Variants in CFAP299 observed in about 807,000 individuals in gnomAD.
CFAP299 encodes the protein cilia- and flagella-associated protein 299.
In CFAP299, 21 loss-of-function variants were observed where a neutral mutation model predicts 27.0. The ratio of observed to expected loss-of-function variants is 0.78; its 90% CI spans 0.55 to 1.12. The LOEUF is 1.12. Among genes scored for constraint, CFAP299 ranks in the 50% most tolerant of loss-of-function variants. The pLI, the probability that CFAP299 is intolerant of heterozygous loss-of-function variation, is 0.00. For missense variants in CFAP299, 310 were observed against 276.6 expected, an observed-to-expected ratio of 1.12 and a Z score of -0.86; for synonymous variants, 104 against 98.1, an observed-to-expected ratio of 1.06 and a Z score of -0.36.
chr4:80,377,835 G>A (rs1228357649), intron 2 of CFAP299, among the ~76,000 whole-genome samples: 1 of 152,142 alleles, frequency 6.6e-6, no homozygotes, highest in African/African-American at 2.4e-5. Context: ...AGAAAAAGAG[G>A]TTTAATTGGA....
At chr4:80,482,652 C>A (rs1730624667) in intron 2 of CFAP299, among the ~76,000 whole-genome samples, 1 of 152,082 alleles carries the variant, frequency 6.6e-6, no homozygotes. Context: ...ACTTACTATA[C>A]TAAGTCAGGC....
chr4:80,554,436 T>C (rs1182958254), intron 2 of CFAP299, among the ~76,000 whole-genome samples: 3 of 152,114 alleles, frequency 2.0e-5, no homozygotes, highest in Admixed American at 6.6e-5. Flanking sequence ...TGCCTCCAGC[T>C]TTGTTCTCTT....
At chr4:80,352,209 C>T (rs1723048482) in intron 1 of CFAP299, among the ~76,000 whole-genome samples, 1 of 152,134 alleles carries the variant, frequency 6.6e-6, no homozygotes, top group East Asian at 1.9e-4. Context: ...GAGACATAAA[C>T]ATTCTGTTTT....
At chr4:80,688,674 C>T (rs377677290) in intron 3 of CFAP299, among the ~76,000 whole-genome samples, 13 of 152,266 alleles carry the variant, frequency 8.5e-5, no homozygotes, top group South Asian at 2.1e-4. Flanking sequence ...TCACCAGCAA[C>T]GGAACAAAGC....
At chr4:80,396,014 G>A (rs1578397361) in intron 2 of CFAP299, among the ~76,000 whole-genome samples, 1 of 152,142 alleles carries the variant, frequency 6.6e-6, no homozygotes, top group African/African-American at 2.4e-5. Context: ...GCCTTTTATA[G>A]GCTTAGAGCC....
At chr4:80,658,751 T>G (rs899940462) in intron 3 of CFAP299, among the ~76,000 whole-genome samples, 1 of 152,094 alleles carries the variant, frequency 6.6e-6, no homozygotes, top group Non-Finnish European at 1.5e-5. Context: ...AATAGGGAAG[T>G]GTGAAAGACC....
the CFAP299 span, among the ~76,000 whole-genome samples, chr4:80,329,120 T>C: frequency 1.3e-5 from 2 of 151,480 alleles, no homozygotes; most frequent in African/African-American, 4.9e-5. Flanking sequence ...TTAGTGTTAG[T>C]GTATTTTATG....
intron 3 of CFAP299, 118 bp downstream of exon 3, chr4:80,583,301 T>A: frequency 2.0e-6 from 1 of 502,206 alleles, no homozygotes; most frequent in Non-Finnish European, 3.4e-6. Context: ...ATATGATTCC[T>A]CTTTATTAAT....
intron 3 of CFAP299, among the ~76,000 whole-genome samples, chr4:80,746,002 C>A (rs1248504287): frequency 6.6e-6 from 1 of 152,018 alleles, no homozygotes; most frequent in Non-Finnish European, 1.5e-5. Flanking sequence ...GGTCTTCTGG[C>A]TATCAGTCCC....
intron 4 of CFAP299, among the ~76,000 whole-genome samples, chr4:80,908,665 A>G (rs1208913469): frequency 1.3e-5 from 2 of 152,194 alleles, no homozygotes; most frequent in African/African-American, 4.8e-5. Flanking sequence ...GTGCAAACCA[A>G]ATTGCCTTAT....
At chr4:80,546,503 C>T (rs1734235651) in intron 2 of CFAP299, among the ~76,000 whole-genome samples, 2 of 152,126 alleles carry the variant, frequency 1.3e-5, no homozygotes, top group African/African-American at 4.8e-5. Context: ...GAAAAGCATT[C>T]CATGTCCATG....
intron 4 of CFAP299, among the ~76,000 whole-genome samples, chr4:80,905,119 G>A (rs1735118221): frequency 6.6e-6 from 1 of 152,122 alleles, no homozygotes; most frequent in African/African-American, 2.4e-5. Context: ...TTTTTAGGTT[G>A]AAGGGCCTCA....
chr4:80,660,118 A>G (rs1484512137), intron 3 of CFAP299, among the ~76,000 whole-genome samples: 5 of 152,132 alleles, frequency 3.3e-5, no homozygotes, highest in African/African-American at 1.2e-4. Flanking sequence ...ATTATACTAC[A>G]TTTAATCAAA....
At chr4:80,948,799 T>G (rs1434207225) in intron 5 of CFAP299, among the ~76,000 whole-genome samples, 3 of 152,100 alleles carry the variant, frequency 2.0e-5, no homozygotes, top group Non-Finnish European at 4.4e-5. Flanking sequence ...GAATTGATGA[T>G]TGAATGGATC....
At chr4:80,800,951 G>C (rs995743787) in intron 3 of CFAP299, among the ~76,000 whole-genome samples, 20 of 151,022 alleles carry the variant, frequency 1.3e-4, no homozygotes, top group Non-Finnish European at 2.9e-4. Flanking sequence ...GTTCACGGGA[G>C]AAAGATGTAG....
intron 1 of CFAP299, 44 bp downstream of exon 1, chr4:80,335,923 C>T (rs1722114487): frequency 2.4e-6 from 3 of 1,246,818 alleles, no homozygotes; most frequent in Non-Finnish European, 3.5e-6. Flanking sequence ...GCGCGTCCCT[C>T]GGTCCCTCCT....
rs114787309 is a variant in CFAP299 at position 80,899,295 on chromosome 4, G to T, written c.476+29160G>T. Among the ~76,000 whole-genome samples, 469 of 152,242 alleles carry T rather than the reference G, an allele frequency of 3.1e-3. 2 individuals are homozygous for T. The highest frequency in any genetic ancestry group is 0.011 in the African/African-American group (450 of 41,538). On this transcript the variant is annotated intron_variant, in intron 4 of 5. Coordinates refer to ENST00000358105, the MANE Select transcript of CFAP299 (RefSeq NM_152770.3). ...CTATGAGATGTAGCTAGATATGAGA[G>T]GTCTGTAGATACAAGCCTGAAAGTA... is the stretch of plus-strand genomic sequence containing the variant.
chr4:80,864,602 A>C (rs1732611130), intron 3 of CFAP299, among the ~76,000 whole-genome samples: 1 of 150,468 alleles, frequency 6.6e-6, no homozygotes. Flanking sequence ...AATTATATAA[A>C]AAGTTTTAAC....
chr4:80,376,513 C>T (rs543502364), intron 2 of CFAP299, among the ~76,000 whole-genome samples: 1 of 152,232 alleles, frequency 6.6e-6, no homozygotes, highest in South Asian at 2.1e-4. Flanking sequence ...GTGTCTGTAT[C>T]GTTTTACTCT....
Sources: allele counts gnomAD v4.1 joint callset (sites outside exome capture counted in the v4.1 genomes callset), GRCh38; gene constraint gnomAD v4.1.1; transcripts MANE v1.5; gene names NCBI Gene and HGNC (gene_info 2026-07-23, HGNC 2026-07-21).